PTPRD: variants seen among roughly 807,000 people sequenced by gnomAD.
The protein encoded by PTPRD is receptor-type tyrosine-protein phosphatase delta.
In PTPRD, 34 loss-of-function variants were observed where a neutral mutation model predicts 214.5. The observed-to-expected ratio is 0.16, with a 90% confidence interval of 0.12 to 0.21. The LOEUF is 0.21. Among genes scored for constraint, PTPRD ranks in the 10% least tolerant of loss-of-function variants. The pLI is 1.00. For missense variants in PTPRD, 2,545 were observed against 2,398.7 expected (o/e 1.06, Z -1.27); for synonymous variants, 1,128 against 845.7 (o/e 1.33, Z -5.79).
chr9:8,617,988 T>A (rs912344742), intron 14 of PTPRD, among the ~76,000 whole-genome samples: 1 of 152,144 alleles, frequency 6.6e-6, no homozygotes, highest in African/African-American at 2.4e-5. Context: ...TTAAAGCTCT[T>A]GATTTTTAAT....
At position 9,887,070 on chromosome 9, in the gene PTPRD, C is replaced by T. The variant is rs369452620; in HGVS notation, c.-368+51437G>A. On this transcript the variant is annotated intron_variant, in intron 5 of 45. Transcript: ENST00000381196. ...TAAGGAAATTTGTTTTGCAACAATA[C>T]ATAATGGAATAAGTCCCTTCTCCCA... Among the ~76,000 whole-genome samples the T allele has an allele frequency of 3.9e-4, 60 of 152,196 alleles. No individual in the cohort carries two copies. In the South Asian group the frequency reaches 7.7e-3, roughly 19 times the overall value.
At chr9:9,060,252 A>T (rs55778269) in intron 10 of PTPRD, among the ~76,000 whole-genome samples, 19,998 of 152,148 alleles carry the variant, frequency 0.13, 1,379 homozygotes, top group Middle Eastern at 0.2. Flanking sequence ...GACCCATGCA[A>T]ACATAGAGAG....
chr9:9,923,289 T>A, intron 5 of PTPRD, among the ~76,000 whole-genome samples: 2 of 147,866 alleles, frequency 1.4e-5, no homozygotes. Context: ...AATAGAAGAG[T>A]GGAAGATAAA....
At position 8,359,146 on chromosome 9, in the gene PTPRD, A is replaced by AAAAAAAAAAC. The variant is rs2077791419; in HGVS notation, c.4661+16789_4661+16790insGTTTTTTTTT. On this transcript the variant is annotated intron_variant, in intron 39 of 45. Transcript: ENST00000381196. ...AACAAAAAAAAAAAAAAACAAAAAAAAATTGAATCAGATTTTAGATTCGGC... is the reference window on the plus strand; with the variant it reads ...AACAAAAAAAAAAAAAAACAAAAAAAAAAAAAAAACAATTGAATCAGATTTTAGATTCGGC... Among the ~76,000 whole-genome samples the AAAAAAAAAAC allele has an allele frequency of 1.4e-5, 2 of 140,848 alleles. 1 individual carries two copies. The highest frequency in any genetic ancestry group is 5.2e-5 in the African/African-American group (2 of 38,680). The allele number at this position is 140,848 out of a possible 152,430, so 92.4% of individuals were successfully genotyped here. A position where few individuals can be genotyped will look rare whatever the true frequency, so the allele number is the denominator to read the frequency against.
chr9:8,453,284 C>T (rs895736862), intron 33 of PTPRD, among the ~76,000 whole-genome samples: 3 of 152,290 alleles, frequency 2.0e-5, no homozygotes, highest in Admixed American at 2.0e-4. Flanking sequence ...CTGCCTCAGC[C>T]TCCCGAGTAG....
intron 9 of PTPRD, among the ~76,000 whole-genome samples, chr9:9,205,464 A>G (rs760472646): frequency 6.6e-6 from 1 of 152,074 alleles, no homozygotes; most frequent in Non-Finnish European, 1.5e-5. Context: ...TTACTTCTAG[A>G]TAATAATAAT....
chr9:9,660,420 G>A (rs1384572346), intron 7 of PTPRD, among the ~76,000 whole-genome samples: 3 of 151,952 alleles, frequency 2.0e-5, no homozygotes, highest in African/African-American at 7.2e-5. Context: ...GTGGCCCTGG[G>A]TCAGTGAGTA....
chr9:8,952,412 C>T (rs1291659565), intron 11 of PTPRD, among the ~76,000 whole-genome samples: 2 of 151,950 alleles, frequency 1.3e-5, no homozygotes, highest in East Asian at 1.9e-4. Context: ...GAATTAGCAA[C>T]ACAATCTGTA....
intron 8 of PTPRD, among the ~76,000 whole-genome samples, chr9:9,479,672 G>A (rs573330151): frequency 6.6e-6 from 1 of 152,074 alleles, no homozygotes; most frequent in South Asian, 2.1e-4. Context: ...AATAAATGAT[G>A]GCAATCACTA....
At chr9:8,987,877 G>A (rs1033895192) in intron 11 of PTPRD, among the ~76,000 whole-genome samples, 3 of 152,018 alleles carry the variant, frequency 2.0e-5, no homozygotes, top group African/African-American at 7.2e-5. Flanking sequence ...GTCTAATTTG[G>A]GAATCCTCAG....
rs1565625391 is a variant in PTPRD, at chr9:10,374,813, T to C, written c.-599-33796A>G. ...CAGTTAATTTTGGTGGGGGGCGGTA[T>C]ATATGACTACTTGAAAACAGTACTG... On this transcript the variant is annotated intron_variant, in intron 2 of 45. Coordinates refer to ENST00000381196, the MANE Select transcript of PTPRD (RefSeq NM_002839.4). Among the ~76,000 whole-genome samples the C allele has an allele frequency of 2.6e-5, 4 of 152,182 alleles. No individual in the cohort carries two copies. The East Asian group carries it at 5.8e-4, about 22-fold the overall frequency.
At chr9:10,006,510 A>G (rs1160039498) in intron 4 of PTPRD, among the ~76,000 whole-genome samples, 1 of 152,024 alleles carries the variant, frequency 6.6e-6, no homozygotes, top group Non-Finnish European at 1.5e-5. Flanking sequence ...TATTTGGATC[A>G]TATTCCCGTT....
intron 3 of PTPRD, among the ~76,000 whole-genome samples, chr9:10,325,242 C>A (rs932646064): frequency 2.6e-5 from 4 of 151,942 alleles, no homozygotes; most frequent in Non-Finnish European, 5.9e-5. Flanking sequence ...GACAAGCACA[C>A]AGGAAATGCT....
At chr9:9,929,959 G>C (rs1044730036) in intron 5 of PTPRD, among the ~76,000 whole-genome samples, 2 of 152,168 alleles carry the variant, frequency 1.3e-5, no homozygotes, top group African/African-American at 4.8e-5. Flanking sequence ...ATAATGGACA[G>C]TACTCATACT....
intron 3 of PTPRD, among the ~76,000 whole-genome samples, chr9:10,324,239 T>A (rs1181906682): frequency 6.6e-6 from 1 of 152,038 alleles, no homozygotes; most frequent in Non-Finnish European, 1.5e-5. Flanking sequence ...AAATTCCAAT[T>A]ATTAGATGCT....
At chr9:10,165,024 G>A (rs1165229230) in intron 3 of PTPRD, among the ~76,000 whole-genome samples, 1 of 151,588 alleles carries the variant, frequency 6.6e-6, no homozygotes, top group Non-Finnish European at 1.5e-5. Context: ...CATCTTTGAT[G>A]GCCTGAATCA....
At chr9:10,190,718 C>CAAAAAAAAAAA (rs57891244) in intron 3 of PTPRD, among the ~76,000 whole-genome samples, 1 of 44,214 alleles carries the variant, frequency 2.3e-5, no homozygotes, top group African/African-American at 7.9e-5. Flanking sequence ...AACTCTGTCT[C>CAAAAAAAAAAA]AAAAAAAAAA....
rs756458131 is a variant in PTPRD, at chr9:8,341,278, AG to A, written c.4948-11del. On this transcript the variant is annotated splice_polypyrimidine_tract_variant and intron_variant, in intron 40 of 45. Coordinates refer to ENST00000381196, the MANE Select transcript of PTPRD (RefSeq NM_002839.4). ...TTGAGCTGGCTAGACGCTGTTGAAT[AG>A]GAAAAAAAAAAAAGGAAAAACCCAA... The A allele has an allele frequency of 4.5e-6, 7 of 1,558,048 alleles. No homozygotes were observed. The African/African-American group carries it at 5.6e-5, about 12-fold the overall frequency.
rs187835147 is a variant in PTPRD, at chr9:10,004,548, T to C, written c.-472+29170A>G. 1.1e-4 allele frequency among the ~76,000 whole-genome samples: 17 copies of C among 152,096 alleles called. No homozygotes were observed. In the East Asian group the frequency reaches 3.3e-3, roughly 29 times the overall value. The stretch of plus-strand genomic sequence containing the variant: ...TATATAAGCAGAAAACAAAATATTT[T>C]TAAGCCACATATTATACAATAAATA... On this transcript the variant is annotated intron_variant, in intron 4 of 45. Transcript: ENST00000381196.
Sources: gnomAD v4.1 joint callset for allele counts (sites outside exome capture counted in the v4.1 genomes callset) on GRCh38, gnomAD v4.1.1 for gene constraint, MANE v1.5 for transcripts, NCBI Gene and HGNC (gene_info 2026-07-23, HGNC 2026-07-21) for gene names.